The following LRPAP1 variants were observed in gnomAD, a reference collection of about 807,000 sequenced individuals.
LRPAP1 encodes alpha-2-macroglobulin receptor-associated protein.
In LRPAP1, 41 loss-of-function variants were observed where a neutral mutation model predicts 39.9. The observed-to-expected ratio is 1.03, with a 90% CI of 0.80 to 1.33. The LOEUF is 1.33. Ranked by LOEUF, LRPAP1 falls within the 40% of genes most tolerant of loss-of-function variation. The pLI is 0.00. For synonymous variants in LRPAP1, 263 were observed against 212.7 expected (o/e 1.24, Z -2.06); for missense variants, 565 against 482.3 (o/e 1.17, Z -1.61).
chr4:3,515,878 G>C (rs561726576), intron 6 of LRPAP1: 2 of 572,930 alleles, frequency 3.5e-6, no homozygotes, highest in South Asian at 2.0e-5. Context: ...GCTCAGACGT[G>C]AACACGGACA....
intron 7 of LRPAP1, 136 bp from the exon 8 acceptor site, chr4:3,513,172 A>G: frequency 9.3e-6 from 6 of 646,186 alleles, no homozygotes; most frequent in South Asian, 1.9e-5. Context: ...CCAATTCCAC[A>G]CCCATCCAGA....
chr4:3,514,911 G>C lies in LRPAP1; in HGVS notation c.852C>G (p.Phe284Leu). 1 of 1,613,748 alleles carries C rather than the reference G, an allele frequency of 6.2e-7. No homozygotes were observed. Among genetic ancestry groups the C allele is most frequent in the Non-Finnish European group, 8.5e-7 (1 of 1,179,866 alleles). ...LEAFREELKH[F>L]EAKIEKHNHY... ...GGTTGTGCTTCTCGATTTTGGCTTC[G>C]AAGTGCTTGAGCTCCTCCTGGAACA... The change falls in exon 7 of 8, where the codon TTC becomes TTG. Residue 284 changes from phenylalanine to leucine, a missense_variant. Phe to Leu is a conservative substitution (Grantham distance 22). Transcript: ENST00000650182.
At position 3,508,583 on chromosome 4, in the gene LRPAP1, A is replaced by G. The variant is rs372895350; in HGVS notation, c.*4391T>C. 5.3e-5 allele frequency: 8 copies of G among 152,360 alleles called. No homozygotes were observed. In the South Asian group the frequency reaches 1.7e-3, roughly 32 times the overall value. 9.4% of individuals were successfully genotyped at this position (152,360 alleles called of 1,614,324 possible). A position where few individuals can be genotyped will look rare whatever the true frequency, so the allele number is the denominator to read the frequency against. ...CGGTATGAGCAAATCTCATCTGGCC[A>G]TGCAGAGAAAAGGCCAATGCACCAT... is the stretch of plus-strand genomic sequence containing the variant. On this transcript the variant is annotated 3_prime_UTR_variant, in exon 8 of 8. Transcript: ENST00000650182.
At chr4:3,525,807 C>T (rs1730063263) in intron 1 of LRPAP1, among the ~76,000 whole-genome samples, 1 of 152,232 alleles carries the variant, frequency 6.6e-6, no homozygotes, top group Non-Finnish European at 1.5e-5. Flanking sequence ...GGGCACACTG[C>T]TTTTTGGTTG....
intron 2 of LRPAP1, among the ~76,000 whole-genome samples, chr4:3,521,911 G>C (rs1192218285): frequency 6.6e-6 from 1 of 152,248 alleles, no homozygotes; most frequent in Non-Finnish European, 1.5e-5. Context: ...CAAGGCAGGA[G>C]GGCCGTCTGA....
In LRPAP1 at chr4:3,518,973, A is replaced by T. The variant is rs758808328; in HGVS notation, c.490T>A (p.Phe164Ile). 1.2e-6 allele frequency: 2 copies of T among 1,613,846 alleles called. No homozygotes were observed. The highest frequency in any genetic ancestry group is 2.7e-5 in the African/African-American group (2 of 74,894). Reference protein sequence around the residue: ...LWHKAKTSGKFSGEELDKLWR... With the variant: ...LWHKAKTSGKISGEELDKLWR... ...AGCTTGTCCAGTTCTTCGCCGGAGA[A>T]TTTCCCAGAGGTCTTCGCCTAAGAG... Residue 164 changes from phenylalanine (F) to isoleucine (I), a missense_variant, in exon 4 of 8, where the codon TTC (phenylalanine) becomes ATC (isoleucine). Coordinates refer to ENST00000650182, the MANE Select transcript of LRPAP1 (RefSeq NM_002337.4).
chr4:3,515,877 T>A (rs1729677329), intron 6 of LRPAP1: 1 of 569,932 alleles, frequency 1.8e-6, no homozygotes, highest in Non-Finnish European at 3.1e-6. Flanking sequence ...CGCTCAGACG[T>A]GAACACGGAC....
At chr4:3,521,863 C>T (rs909458397) in intron 2 of LRPAP1, among the ~76,000 whole-genome samples, 3 of 152,146 alleles carry the variant, frequency 2.0e-5, no homozygotes, top group Non-Finnish European at 4.4e-5. Flanking sequence ...AGGCCGGGCG[C>T]GGTGGCTCAT....
chr4:3,509,162 G>C lies in LRPAP1; in HGVS notation c.*3812C>G, dbSNP rs1729440958. 1 of 152,326 alleles carries C rather than the reference G, an allele frequency of 6.6e-6. No individual in the cohort carries two copies. Among genetic ancestry groups the C allele is most frequent in the Non-Finnish European group, 1.5e-5 (1 of 68,080 alleles). 9.4% of individuals were successfully genotyped at this position (152,326 alleles called of 1,614,324 possible). A position where few individuals can be genotyped will look rare whatever the true frequency, so the allele number is the denominator to read the frequency against. ...AGAAAACTCCAGTTCATTGTTGGGA[G>C]AAGTTGAAGATGAACTCAATACCTG... On this transcript the variant is annotated 3_prime_UTR_variant, in exon 8 of 8. Transcript: ENST00000650182.
At chr4:3,519,412 G>A (rs1250929811) in intron 3 of LRPAP1, among the ~76,000 whole-genome samples, 2 of 152,184 alleles carry the variant, frequency 1.3e-5, no homozygotes, top group Non-Finnish European at 2.9e-5. Flanking sequence ...GCTCACACAC[G>A]TCCAGGGAGG....
intron 1 of LRPAP1, among the ~76,000 whole-genome samples, chr4:3,528,131 C>T (rs374044756): frequency 6.6e-5 from 10 of 152,230 alleles, no homozygotes; most frequent in East Asian, 5.8e-4. Context: ...CCAGACCCCA[C>T]GTCTGGATTC....
chr4:3,505,917 G>A lies in LRPAP1; in HGVS notation c.*7057C>T, dbSNP rs1035815409. Among the ~76,000 whole-genome samples, 2 of 152,162 alleles carry A rather than the reference G, an allele frequency of 1.3e-5. No individual in the cohort carries two copies. Among genetic ancestry groups the A allele is most frequent in the Non-Finnish European group, 2.9e-5 (2 of 68,022 alleles). On this transcript the variant is annotated 3_prime_UTR_variant, in exon 8 of 8. Transcript: ENST00000650182. ...ACCAGCTCTTCCACTGCCCTGCTCC[G>A]AGCCTGCTCTGGTCAAGGTGGGCAA...
chr4:3,512,920 G>C lies in LRPAP1; in HGVS notation c.*54C>G, dbSNP rs1729574586. 4 of 1,534,408 alleles carry C rather than the reference G, an allele frequency of 2.6e-6. No individual in the cohort carries two copies. The highest frequency in any genetic ancestry group is 3.8e-5 in the Admixed American group (2 of 52,958). On this transcript the variant is annotated 3_prime_UTR_variant, in exon 8 of 8. Transcript: ENST00000650182. Reference sequence around the variant, plus strand: ...GTCCACGGAAATGCCACGGCCAAGAGCCCAGGTCCTTCACGCTGGCCTCTT... The same window carrying C: ...GTCCACGGAAATGCCACGGCCAAGACCCCAGGTCCTTCACGCTGGCCTCTT...
At chr4:3,530,895 C>G (rs1223059947) in intron 1 of LRPAP1, among the ~76,000 whole-genome samples, 4 of 152,112 alleles carry the variant, frequency 2.6e-5, no homozygotes, top group Non-Finnish European at 4.4e-5. Flanking sequence ...CACCTCCAAT[C>G]GGTCAGGGAG....
chr4:3,517,800 C>CGATT, intron 5 of LRPAP1: 1 of 471,006 alleles, frequency 2.1e-6, no homozygotes, highest in South Asian at 3.9e-5. Context: ...CCGCTGCCGC[C>CGATT]ACTGCCCTCT....
At chr4:3,526,129 G>A (rs1168768196) in intron 1 of LRPAP1, among the ~76,000 whole-genome samples, 3 of 152,220 alleles carry the variant, frequency 2.0e-5, no homozygotes, top group African/African-American at 7.2e-5. Flanking sequence ...CTGTAGTGAC[G>A]CCAGCGCATT....
intron 1 of LRPAP1, chr4:3,525,254 T>C (rs1730045934): frequency 1.7e-6 from 1 of 583,590 alleles, no homozygotes; most frequent in East Asian, 3.0e-5. Context: ...CCTGTCTGTA[T>C]ACACGATCCG....
rs1467622435 is a variant in LRPAP1 at position 3,507,505 on chromosome 4, T to C, written c.*5469A>G. ...TTATACATTATCATCTGCGAATTAC[T>C]GACATTTGCTTTGGGTCCTAGTACC... On this transcript the variant is annotated 3_prime_UTR_variant, in exon 8 of 8. Transcript: ENST00000650182. The C allele has an allele frequency of 6.6e-6, 1 of 152,198 alleles. No individual in the cohort carries two copies. Among genetic ancestry groups the C allele is most frequent in the Non-Finnish European group, 1.5e-5 (1 of 68,042 alleles). 9.4% of individuals were successfully genotyped at this position (152,198 alleles called of 1,614,324 possible).
intron 1 of LRPAP1, among the ~76,000 whole-genome samples, chr4:3,528,164 G>A (rs193051564): frequency 5.1e-4 from 77 of 152,310 alleles, no homozygotes; most frequent in African/African-American, 1.7e-3. Context: ...CAAGTTAAAT[G>A]TTAACGCATC....
Sources: allele counts gnomAD v4.1 joint callset (sites outside exome capture counted in the v4.1 genomes callset), GRCh38; gene constraint gnomAD v4.1.1; transcripts MANE v1.5; gene names NCBI Gene and HGNC (gene_info 2026-07-23, HGNC 2026-07-21).